Variants in LHFPL6 observed in about 807,000 individuals in gnomAD.
LHFPL6 encodes the protein LHFPL tetraspan subfamily member 6, also known as LHFPL tetraspan subfamily member 6 protein.
Under a neutral mutation model 20.6 loss-of-function variants are expected in LHFPL6, and 9 were observed. That is an observed-to-expected ratio of 0.44 (90% CI 0.26 to 0.76). The LOEUF is 0.76. LHFPL6 is among the 30% of genes least tolerant of loss of function. LHFPL6 has a pLI of 0.20. For missense variants in LHFPL6, 218 were observed against 253.5 expected, an observed-to-expected ratio of 0.86 and a Z score of 0.95; for synonymous variants, 105 against 98.7, an observed-to-expected ratio of 1.06 and a Z score of -0.38.
At chr13:39,509,282 T>C (rs978270496) in intron 2 of LHFPL6, among the ~76,000 whole-genome samples, 7 of 152,228 alleles carry the variant, frequency 4.6e-5, no homozygotes, top group African/African-American at 1.7e-4. Context: ...TTATCGGGTA[T>C]GTGATTTGCA....
intron 2 of LHFPL6, among the ~76,000 whole-genome samples, chr13:39,492,881 T>C (rs1387031637): frequency 6.6e-6 from 1 of 152,042 alleles, no homozygotes; most frequent in African/African-American, 2.4e-5. Context: ...AGTTTCTCTA[T>C]GCTGGTCAGG....
chr13:39,569,050 C>T (rs1292455176), intron 2 of LHFPL6, among the ~76,000 whole-genome samples: 3 of 152,172 alleles, frequency 2.0e-5, no homozygotes, highest in African/African-American at 4.8e-5. Flanking sequence ...GTGAGGGCAG[C>T]GATCATGTCA....
intron 2 of LHFPL6, among the ~76,000 whole-genome samples, chr13:39,454,148 A>T (rs1450302560): frequency 6.6e-6 from 1 of 152,256 alleles, no homozygotes; most frequent in African/African-American, 2.4e-5. Flanking sequence ...TAGATCTCAA[A>T]CTATCGGTAT....
intron 2 of LHFPL6, among the ~76,000 whole-genome samples, chr13:39,419,522 T>C (rs942633313): frequency 1.3e-5 from 2 of 152,234 alleles, no homozygotes; most frequent in East Asian, 3.8e-4. Flanking sequence ...TCATTATATG[T>C]GAAATAAGAG....
At chr13:39,487,036 A>G (rs1868750447) in intron 2 of LHFPL6, among the ~76,000 whole-genome samples, 1 of 152,208 alleles carries the variant, frequency 6.6e-6, no homozygotes, top group African/African-American at 2.4e-5. Context: ...TACCCTTTCT[A>G]TCCAAAGAAA....
chr13:39,577,431 T>A (rs867938294), intron 2 of LHFPL6, among the ~76,000 whole-genome samples: 2 of 152,168 alleles, frequency 1.3e-5, no homozygotes, highest in Non-Finnish European at 2.9e-5. Flanking sequence ...TGCTTCCAAG[T>A]ACAAGTTAAA....
At chr13:39,562,467 C>CAT (rs1285613619) in intron 2 of LHFPL6, among the ~76,000 whole-genome samples, 11,006 of 111,634 alleles carry the variant, frequency 0.099, 1,569 homozygotes, top group East Asian at 0.23. Flanking sequence ...CATATATACA[C>CAT]ATATACACAT....
intron 2 of LHFPL6, among the ~76,000 whole-genome samples, chr13:39,526,595 T>C (rs1034734543): frequency 3.3e-5 from 5 of 152,248 alleles, no homozygotes; most frequent in Admixed American, 6.5e-5. Flanking sequence ...TGTGTTACTC[T>C]GCATTCGGCC....
At chr13:39,432,272 T>C (rs1871832797) in intron 2 of LHFPL6, among the ~76,000 whole-genome samples, 1 of 152,346 alleles carries the variant, frequency 6.6e-6, no homozygotes, top group South Asian at 2.1e-4. Context: ...AATACAGTCT[T>C]TTTAAACCAG....
chr13:39,433,877 C>A (rs562080243), intron 2 of LHFPL6, among the ~76,000 whole-genome samples: 165 of 152,316 alleles, frequency 1.1e-3, no homozygotes, highest in Non-Finnish European at 1.9e-3. Flanking sequence ...CAGGAGCCTC[C>A]TTTGGGATGA....
chr13:39,572,288 CTG>C (rs3222813), intron 2 of LHFPL6, among the ~76,000 whole-genome samples: 40,222 of 143,200 alleles, frequency 0.28, 6,170 homozygotes, highest in Non-Finnish European at 0.35. Context: ...TTTTTAAACT[CTG>C]TGTGTGTGTG....
At chr13:39,381,415 G>A (rs1870433001) in intron 2 of LHFPL6, among the ~76,000 whole-genome samples, 2 of 152,110 alleles carry the variant, frequency 1.3e-5, no homozygotes, top group Admixed American at 1.3e-4. Context: ...ACTGTAACCA[G>A]GGACCTTGGT....
At chr13:39,493,209 C>T (rs1027042628) in intron 2 of LHFPL6, among the ~76,000 whole-genome samples, 1 of 149,852 alleles carries the variant, frequency 6.7e-6, no homozygotes, top group Non-Finnish European at 1.5e-5. Flanking sequence ...TGGCTCACAC[C>T]TATAATCCCA....
At chr13:39,569,534 A>G (rs1371667811) in intron 2 of LHFPL6, among the ~76,000 whole-genome samples, 1 of 152,232 alleles carries the variant, frequency 6.6e-6, no homozygotes, top group Non-Finnish European at 1.5e-5. Context: ...CTTACTCAAG[A>G]AAAAGTAGAT....
At chr13:39,457,647 A>G (rs1872602261) in intron 2 of LHFPL6, among the ~76,000 whole-genome samples, 1 of 152,216 alleles carries the variant, frequency 6.6e-6, no homozygotes, top group African/African-American at 2.4e-5. Context: ...CAAAACCACA[A>G]TGACAAAAAT....
At chr13:39,409,045 C>G (rs1406240108) in intron 2 of LHFPL6, among the ~76,000 whole-genome samples, 1 of 152,124 alleles carries the variant, frequency 6.6e-6, no homozygotes, top group Non-Finnish European at 1.5e-5. Flanking sequence ...GAATTTGTAG[C>G]GTTAAGCAGG....
At chr13:39,513,556 T>A (rs901388642) in intron 2 of LHFPL6, among the ~76,000 whole-genome samples, 3 of 152,232 alleles carry the variant, frequency 2.0e-5, no homozygotes, top group African/African-American at 7.2e-5. Flanking sequence ...TGCTTACTAA[T>A]CTAAGCCATG....
At chr13:39,356,738 T>C (rs1869736832) in intron 3 of LHFPL6, among the ~76,000 whole-genome samples, 1 of 152,194 alleles carries the variant, frequency 6.6e-6, no homozygotes, top group South Asian at 2.1e-4. Context: ...TATGAACATC[T>C]CCATGCACAC....
intron 2 of LHFPL6, among the ~76,000 whole-genome samples, chr13:39,572,423 T>C (rs148308670): frequency 1.3e-3 from 203 of 152,168 alleles, no homozygotes; most frequent in African/African-American, 4.6e-3. Flanking sequence ...TCTATGAATA[T>C]ATGTATAAAG....
Sources: allele counts gnomAD v4.1 joint callset (sites outside exome capture counted in the v4.1 genomes callset), GRCh38; gene constraint gnomAD v4.1.1; transcripts MANE v1.5; gene names NCBI Gene and HGNC (gene_info 2026-07-23, HGNC 2026-07-21).